Variants in ACTR3C observed in about 807,000 individuals in gnomAD.
ACTR3C encodes the protein actin-related protein 3C.
A neutral mutation model predicts 26.3 loss-of-function variants in ACTR3C; 18 were observed. The ratio of observed to expected loss-of-function variants is 0.68; its 90% CI spans 0.47 to 1.01. The LOEUF is 1.01. ACTR3C is among the 50% of genes least tolerant of loss of function. The probability of loss-of-function intolerance (pLI) is 0.00; values close to 1 mark genes in which losing one functional copy is unlikely to be tolerated. For missense variants in ACTR3C, 184 were observed against 250.7 expected (o/e 0.73, Z 1.80); for synonymous variants, 55 against 94.5 (o/e 0.58, Z 2.42).
chr7:150,161,772 A>T, the ACTR3C span, among the ~76,000 whole-genome samples: 6 of 152,274 alleles, frequency 3.9e-5, no homozygotes, highest in East Asian at 1.9e-4. Flanking sequence ...AAAGTATTTT[A>T]AACAAACGTT....
At chr7:150,156,754 C>T in the ACTR3C span, among the ~76,000 whole-genome samples, 235 of 152,200 alleles carry the variant, frequency 1.5e-3, 1 homozygote, top group African/African-American at 5.6e-3. Context: ...TAGTAACATA[C>T]ATATTTGACT....
intron 1 of ACTR3C, among the ~76,000 whole-genome samples, chr7:150,316,665 T>C (rs910098534): frequency 2.6e-5 from 4 of 152,132 alleles, no homozygotes; most frequent in Middle Eastern, 3.2e-3. Context: ...TTTGTATTTT[T>C]AGTAGAGACG....
At chr7:150,193,227 G>T in the ACTR3C span, among the ~76,000 whole-genome samples, 1 of 151,726 alleles carries the variant, frequency 6.6e-6, no homozygotes, top group Non-Finnish European at 1.5e-5. Context: ...GTTATATTTG[G>T]CAGTTATGGC....
the ACTR3C span, among the ~76,000 whole-genome samples, chr7:149,987,398 T>A: frequency 1.4e-5 from 2 of 145,422 alleles, no homozygotes; most frequent in African/African-American, 5.0e-5. Context: ...AAACCCTATC[T>A]CTACTAAAAA....
At chr7:150,322,533 AAAT>A (rs1797639680) in intron 1 of ACTR3C, 1 of 152,256 alleles carries the variant, frequency 6.6e-6, no homozygotes, top group Non-Finnish European at 1.5e-5. Context: ...CACCATCATG[AAAT>A]ACTCTATATG....
the ACTR3C span, among the ~76,000 whole-genome samples, chr7:149,922,468 G>C: frequency 8.9e-4 from 131 of 146,972 alleles, no homozygotes; most frequent in African/African-American, 3.0e-3. Context: ...TTTGGCAATG[G>C]TCTATTCATC....
chr7:150,320,231 T>C (rs1408916043), intron 1 of ACTR3C, among the ~76,000 whole-genome samples: 1 of 152,244 alleles, frequency 6.6e-6, no homozygotes, highest in African/African-American at 2.4e-5. Context: ...AATGGTTTAT[T>C]AGAAACTAAT....
chr7:150,148,492 G>C, the ACTR3C span, among the ~76,000 whole-genome samples: 1 of 151,886 alleles, frequency 6.6e-6, no homozygotes, highest in Non-Finnish European at 1.5e-5. Flanking sequence ...GAAAAAAAAA[G>C]TCACAAATCT....
the ACTR3C span, among the ~76,000 whole-genome samples, chr7:150,022,567 A>G: frequency 1.1e-4 from 16 of 152,032 alleles, no homozygotes; most frequent in Non-Finnish European, 2.1e-4. Context: ...TGCTGTGGCT[A>G]TAAAGCTTCA....
chr7:150,259,655 G>A (rs898126825), intron 6 of ACTR3C, among the ~76,000 whole-genome samples: 4 of 152,136 alleles, frequency 2.6e-5, no homozygotes, highest in African/African-American at 9.7e-5. Context: ...AAGGAAATGA[G>A]TCTCCATTTT....
chr7:149,890,932 G>T, the ACTR3C span: 16 of 227,054 alleles, frequency 7.0e-5, no homozygotes, highest in Admixed American at 1.6e-4. Flanking sequence ...AGTGCCCTAG[G>T]CTGCATGTGC....
chr7:149,927,653 G>A, the ACTR3C span, among the ~76,000 whole-genome samples: 280 of 151,534 alleles, frequency 1.8e-3, 1 homozygote, highest in Non-Finnish European at 3.3e-3. Flanking sequence ...ACTTGAACCC[G>A]GGAGGCGGAG....
intron 6 of ACTR3C, among the ~76,000 whole-genome samples, chr7:150,272,737 T>C (rs2373762): frequency 7.7e-6 from 1 of 130,510 alleles, no homozygotes; most frequent in Non-Finnish European, 1.5e-5. Context: ...GTCACCCAGG[T>C]GGGACTACAG....
chr7:150,143,475 C>G, the ACTR3C span, among the ~76,000 whole-genome samples: 6 of 152,100 alleles, frequency 3.9e-5, no homozygotes, highest in South Asian at 1.2e-3. Flanking sequence ...TAAAATTCAC[C>G]CTTTTCAGCT....
the ACTR3C span, among the ~76,000 whole-genome samples, chr7:149,967,271 G>A: frequency 2.6e-5 from 4 of 151,852 alleles, no homozygotes; most frequent in Non-Finnish European, 4.4e-5. Flanking sequence ...TCCTGACCTC[G>A]TGATCCACCC....
chr7:150,049,501 C>T, the ACTR3C span, among the ~76,000 whole-genome samples: 1 of 152,364 alleles, frequency 6.6e-6, no homozygotes, highest in Non-Finnish European at 1.5e-5. Context: ...CTCCCTGCTC[C>T]TTCCGGGTTT....
the ACTR3C span, among the ~76,000 whole-genome samples, chr7:149,985,301 C>G: frequency 6.6e-6 from 1 of 151,342 alleles, no homozygotes; most frequent in Non-Finnish European, 1.5e-5. Flanking sequence ...TGGCACTACC[C>G]AGATAAGAAA....
the ACTR3C span, among the ~76,000 whole-genome samples, chr7:150,037,438 A>G: frequency 2.2e-5 from 1 of 45,762 alleles, no homozygotes. Context: ...GATGGCTCTC[A>G]ATCCCTGCCT....
the ACTR3C span, among the ~76,000 whole-genome samples, chr7:150,238,734 T>C: frequency 6.7e-6 from 1 of 149,294 alleles, no homozygotes; most frequent in African/African-American, 2.5e-5. Context: ...TCCATTTACC[T>C]ACTCTAAATA....
Sources: gnomAD v4.1 joint callset for allele counts (sites outside exome capture counted in the v4.1 genomes callset) on GRCh38, gnomAD v4.1.1 for gene constraint, MANE v1.5 for transcripts, NCBI Gene and HGNC (gene_info 2026-07-23, HGNC 2026-07-21) for gene names.